VTI1A: variants seen among roughly 807,000 people sequenced by gnomAD.
The protein encoded by VTI1A is vesicle transport through interaction with t-SNAREs 1A, also known as vesicle transport through interaction with t-SNAREs homolog 1A.
VTI1A carries 22 observed loss-of-function variants against 34.9 expected under a neutral mutation model. The ratio of observed to expected loss-of-function variants is 0.63; its 90% CI spans 0.45 to 0.90. VTI1A has a LOEUF of 0.90. Among genes scored for constraint, VTI1A ranks in the 40% least tolerant of loss-of-function variants. The pLI is 0.00. For synonymous variants in VTI1A, 87 were observed against 97.3 expected, an observed-to-expected ratio of 0.89 and a Z score of 0.62; for missense variants, 268 against 275.6, an observed-to-expected ratio of 0.97 and a Z score of 0.20.
intron 7 of VTI1A, among the ~76,000 whole-genome samples, chr10:112,688,241 C>T (rs1848493302): frequency 6.6e-6 from 1 of 151,664 alleles, no homozygotes; most frequent in South Asian, 2.1e-4. Context: ...TGTGTGAGCC[C>T]CTATGCCTGG....
chr10:112,793,736 G>T (rs568109712), intron 7 of VTI1A, among the ~76,000 whole-genome samples: 2 of 152,260 alleles, frequency 1.3e-5, no homozygotes, highest in African/African-American at 4.8e-5. Context: ...TTTCTGCTAT[G>T]CTCCTGATTG....
At chr10:112,854,087 G>A in the VTI1A span, among the ~76,000 whole-genome samples, 1 of 152,020 alleles carries the variant, frequency 6.6e-6, no homozygotes, top group Non-Finnish European at 1.5e-5. Context: ...TGCCTCCCTG[G>A]GTCCTCATAT....
At chr10:112,841,283 T>A in the VTI1A span, among the ~76,000 whole-genome samples, 2 of 152,132 alleles carry the variant, frequency 1.3e-5, no homozygotes, top group Non-Finnish European at 2.9e-5. Context: ...TAAGTGACAT[T>A]CTATCACAAG....
intron 7 of VTI1A, among the ~76,000 whole-genome samples, chr10:112,741,133 A>G (rs1463509112): frequency 6.6e-6 from 1 of 152,218 alleles, no homozygotes; most frequent in Non-Finnish European, 1.5e-5. Context: ...ATTAGTGGTC[A>G]CAGAGCACTG....
chr10:112,815,457 C>A lies in VTI1A; in HGVS notation c.*74C>A. On this transcript the variant is annotated 3_prime_UTR_variant, in exon 8 of 8. Transcript: ENST00000393077. Reference sequence around the variant, plus strand: ...ATTAAGACAAAATGGTCACATGAATCATTCTGTTGCGCTGACAGGCCCCAG... The same window carrying A: ...ATTAAGACAAAATGGTCACATGAATAATTCTGTTGCGCTGACAGGCCCCAG... 7.4e-7 allele frequency: 1 copy of A among 1,347,956 alleles called. No homozygotes were observed. The highest frequency in any genetic ancestry group is 1.1e-6 in the Non-Finnish European group (1 of 941,312). The allele number at this position is 1,347,956 out of a possible 1,614,324, so 83.5% of individuals were successfully genotyped here. A position where few individuals can be genotyped will look rare whatever the true frequency, so the allele number is the denominator to read the frequency against.
chr10:112,463,745 G>C (rs904366928), intron 2 of VTI1A, among the ~76,000 whole-genome samples: 1 of 152,146 alleles, frequency 6.6e-6, no homozygotes, highest in Non-Finnish European at 1.5e-5. Flanking sequence ...TAGGATGAAG[G>C]TAAAGATCAC....
intron 7 of VTI1A, among the ~76,000 whole-genome samples, chr10:112,774,629 C>G (rs969923589): frequency 1.3e-5 from 2 of 151,714 alleles, no homozygotes; most frequent in Admixed American, 1.3e-4. Context: ...TTTAATGCCT[C>G]TATTCAGGTG....
chr10:112,668,195 C>A, intron 5 of VTI1A, 23 bp from the exon 6 acceptor site: 1 of 1,607,672 alleles, frequency 6.2e-7, no homozygotes, highest in Non-Finnish European at 8.5e-7. Flanking sequence ...CATTTTTCCT[C>A]ACTCAAATTT....
intron 7 of VTI1A, chr10:112,737,969 T>G: frequency 9.2e-6 from 8 of 870,864 alleles, no homozygotes; most frequent in Non-Finnish European, 8.3e-6. Context: ...TAGGGCCTCC[T>G]GCAAGTCCTC....
At chr10:112,674,788 A>G (rs1847971152) in intron 7 of VTI1A, among the ~76,000 whole-genome samples, 1 of 152,188 alleles carries the variant, frequency 6.6e-6, no homozygotes, top group Non-Finnish European at 1.5e-5. Context: ...GTAGAAAGGA[A>G]CAGAATTAGG....
intron 5 of VTI1A, among the ~76,000 whole-genome samples, chr10:112,642,989 T>TTG (rs1846634868): frequency 1.4e-5 from 2 of 147,100 alleles, no homozygotes; most frequent in East Asian, 2.0e-4. Context: ...TTTTTTTTTT[T>TTG]TTTTTGTTTT....
At chr10:112,528,750 G>A (rs1253324969) in intron 4 of VTI1A, among the ~76,000 whole-genome samples, 1 of 152,062 alleles carries the variant, frequency 6.6e-6, no homozygotes, top group East Asian at 1.9e-4. Context: ...AACAGCTATA[G>A]ATCTTTCCCT....
At chr10:112,504,602 G>C (rs1849363376) in intron 3 of VTI1A, among the ~76,000 whole-genome samples, 1 of 152,054 alleles carries the variant, frequency 6.6e-6, no homozygotes, top group Admixed American at 6.6e-5. Context: ...CTGCTGAAAT[G>C]AATAACTCTG....
intron 3 of VTI1A, among the ~76,000 whole-genome samples, chr10:112,493,564 G>A (rs1000416120): frequency 1.3e-5 from 2 of 152,132 alleles, no homozygotes; most frequent in African/African-American, 4.8e-5. Context: ...TTAGGGGGAA[G>A]TATTCTGATT....
intron 5 of VTI1A, among the ~76,000 whole-genome samples, chr10:112,566,798 A>G (rs1354307691): frequency 1.3e-5 from 2 of 152,078 alleles, no homozygotes; most frequent in Non-Finnish European, 2.9e-5. Flanking sequence ...TGAATATTCC[A>G]TCACTCTATA....
At position 112,815,407 on chromosome 10, in the gene VTI1A, C is replaced by G. The variant is rs775902146; in HGVS notation, c.*24C>G. 6 of 1,571,178 alleles carry G rather than the reference C, an allele frequency of 3.8e-6. No individual in the cohort carries two copies. Among genetic ancestry groups the G allele is most frequent in the Non-Finnish European group, 5.3e-6 (6 of 1,140,900 alleles). ...GATGTATCTGCTCTCCCTTGATAAA[C>G]AGCAACAACAGCTTGTTCTGAGTAA... is the stretch of plus-strand genomic sequence containing the variant. On this transcript the variant is annotated 3_prime_UTR_variant, in exon 8 of 8. Transcript: ENST00000393077.
chr10:112,619,557 G>A (rs1288252936), intron 5 of VTI1A, among the ~76,000 whole-genome samples: 2 of 152,190 alleles, frequency 1.3e-5, no homozygotes, highest in Admixed American at 1.3e-4. Flanking sequence ...CTTCTTTAAT[G>A]TTGTTTCTGC....
chr10:112,825,594 G>T, the VTI1A span: 5 of 152,300 alleles, frequency 3.3e-5, no homozygotes, highest in African/African-American at 9.7e-5. Flanking sequence ...AGCACAACAT[G>T]TGGGCCCAGC....
At chr10:112,495,196 CTTTTTTTTTTT>C (rs751870581) in intron 3 of VTI1A, among the ~76,000 whole-genome samples, 31 of 79,058 alleles carry the variant, frequency 3.9e-4, no homozygotes, top group African/African-American at 1.5e-3. Context: ...CAGTAATGGT[CTTTTTTTTTTT>C]TTTTTTTTTT....
Sources: gnomAD v4.1 joint callset for allele counts (sites outside exome capture counted in the v4.1 genomes callset) on GRCh38, gnomAD v4.1.1 for gene constraint, MANE v1.5 for transcripts, NCBI Gene and HGNC (gene_info 2026-07-23, HGNC 2026-07-21) for gene names.